Variants in LRRIQ3 observed in about 807,000 individuals in gnomAD.
LRRIQ3 encodes the protein leucine rich repeats and IQ motif containing 3, also known as leucine-rich repeat and IQ domain-containing protein 3.
Under a neutral mutation model 59.3 loss-of-function variants are expected in LRRIQ3, and 75 were observed. That is an observed-to-expected ratio of 1.26 (90% CI 1.05 to 1.53). The LOEUF (loss-of-function observed/expected upper bound fraction) is 1.53, where lower values mean the gene tolerates loss of function less well. LRRIQ3 is among the 40% of genes most tolerant of loss of function. The pLI, the probability that LRRIQ3 is intolerant of heterozygous loss-of-function variation, is 0.00. For synonymous variants in LRRIQ3, 250 were observed against 231.3 expected, an observed-to-expected ratio of 1.08 and a Z score of -0.73; for missense variants, 831 against 710.0, an observed-to-expected ratio of 1.17 and a Z score of -1.94.
At chr1:74,124,483 A>G (rs1010458775) in intron 4 of LRRIQ3, among the ~76,000 whole-genome samples, 3 of 151,906 alleles carry the variant, frequency 2.0e-5, no homozygotes, top group Non-Finnish European at 4.4e-5. Flanking sequence ...TAGTAGTTTC[A>G]TAGTTTGAGG....
intron 4 of LRRIQ3, among the ~76,000 whole-genome samples, chr1:74,132,416 A>C (rs143952913): frequency 0.014 from 2,087 of 152,268 alleles, 40 homozygotes; most frequent in African/African-American, 0.048. Flanking sequence ...AGTCAATGCT[A>C]AGCCAAAAGA....
At chr1:74,116,559 A>G in intron 4 of LRRIQ3, among the ~76,000 whole-genome samples, 1 of 152,214 alleles carries the variant, frequency 6.6e-6, no homozygotes. Flanking sequence ...TTCAATACAC[A>G]GGTATTATTA....
chr1:74,180,030 T>C (rs996843594), intron 3 of LRRIQ3: 66 of 152,030 alleles, frequency 4.3e-4, no homozygotes, highest in African/African-American at 1.4e-3. Context: ...TTCTATTTCC[T>C]ATAGTTAAAG....
chr1:74,112,814 A>G (rs1273264613), intron 4 of LRRIQ3, among the ~76,000 whole-genome samples: 1 of 152,178 alleles, frequency 6.6e-6, no homozygotes, highest in Non-Finnish European at 1.5e-5. Flanking sequence ...TATTAAACAA[A>G]TAAACAAATC....
At chr1:74,191,259 T>G (rs922146579) in intron 1 of LRRIQ3, among the ~76,000 whole-genome samples, 5 of 152,134 alleles carry the variant, frequency 3.3e-5, no homozygotes, top group Non-Finnish European at 7.4e-5. Flanking sequence ...ATTGAAGTAA[T>G]TTGTTGTTGG....
intron 4 of LRRIQ3, among the ~76,000 whole-genome samples, chr1:74,110,135 C>G (rs1364304540): frequency 3.3e-5 from 5 of 151,626 alleles, no homozygotes; most frequent in Admixed American, 3.3e-4. Context: ...AAATATTACC[C>G]AATAAATGGC....
chr1:74,026,752 C>G lies in LRRIQ3; in HGVS notation c.*61G>C. Reference sequence around the variant, plus strand: ...TTGCTTTAGAGTATTATTTCAAATTCCTTCAACTAAAAATAATGACTATAA... The same window carrying G: ...TTGCTTTAGAGTATTATTTCAAATTGCTTCAACTAAAAATAATGACTATAA... On this transcript the variant is annotated 3_prime_UTR_variant, in exon 8 of 8. Coordinates refer to ENST00000354431, the MANE Select transcript of LRRIQ3 (RefSeq NM_001105659.2). 1 of 1,362,854 alleles carries G rather than the reference C, an allele frequency of 7.3e-7. No homozygotes were observed. Among genetic ancestry groups the G allele is most frequent in the Non-Finnish European group, 1.0e-6 (1 of 989,750 alleles). The allele number at this position is 1,362,854 out of a possible 1,614,324, so 84.4% of individuals were successfully genotyped here. A position where few individuals can be genotyped will look rare whatever the true frequency, so the allele number is the denominator to read the frequency against.
chr1:74,043,730 T>C (rs1487640272), intron 6 of LRRIQ3, among the ~76,000 whole-genome samples: 3 of 152,140 alleles, frequency 2.0e-5, no homozygotes, highest in Admixed American at 6.6e-5. Context: ...CTTTCTTAAG[T>C]AGGGTTCTAA....
At chr1:74,035,939 A>G (rs1653857338) in intron 7 of LRRIQ3, among the ~76,000 whole-genome samples, 1 of 152,144 alleles carries the variant, frequency 6.6e-6, no homozygotes, top group Non-Finnish European at 1.5e-5. Flanking sequence ...TTCCAATGTG[A>G]ATCAACAATT....
chr1:74,129,667 C>T (rs1382573751), intron 4 of LRRIQ3, among the ~76,000 whole-genome samples: 1 of 151,966 alleles, frequency 6.6e-6, no homozygotes, highest in African/African-American at 2.4e-5. Flanking sequence ...TAGCTATAGC[C>T]ACCACAGCTG....
At chr1:74,129,884 G>A (rs1356196576) in intron 4 of LRRIQ3, among the ~76,000 whole-genome samples, 2 of 151,922 alleles carry the variant, frequency 1.3e-5, no homozygotes, top group Non-Finnish European at 2.9e-5. Flanking sequence ...TGTTGTCCAA[G>A]AGCTAGGTCC....
intron 4 of LRRIQ3, among the ~76,000 whole-genome samples, chr1:74,146,870 G>A (rs1362794971): frequency 6.6e-6 from 1 of 152,162 alleles, no homozygotes; most frequent in Admixed American, 6.5e-5. Context: ...CAGTAAGTAG[G>A]ATAGTTGATT....
intron 4 of LRRIQ3, among the ~76,000 whole-genome samples, chr1:74,130,118 A>G (rs980580259): frequency 3.3e-5 from 5 of 151,906 alleles, no homozygotes; most frequent in African/African-American, 1.2e-4. Context: ...TCATTTGGTT[A>G]TGCTCCCCTG....
chr1:74,074,014 A>G (rs568766898), intron 6 of LRRIQ3, among the ~76,000 whole-genome samples: 31 of 152,116 alleles, frequency 2.0e-4, no homozygotes, highest in Middle Eastern at 3.2e-3. Flanking sequence ...CCAAAGTCTG[A>G]AAGAAATTTA....
At chr1:74,098,946 A>G (rs1333285741) in intron 5 of LRRIQ3, among the ~76,000 whole-genome samples, 1 of 152,236 alleles carries the variant, frequency 6.6e-6, no homozygotes, top group Non-Finnish European at 1.5e-5. Flanking sequence ...CCCACAAGAC[A>G]AAGTAGGAAA....
intron 1 of LRRIQ3, among the ~76,000 whole-genome samples, chr1:74,194,087 C>T (rs969754318): frequency 3.3e-5 from 5 of 151,924 alleles, no homozygotes; most frequent in African/African-American, 1.2e-4. Flanking sequence ...TGCCATGGGC[C>T]GGTGCAGTGA....
At chr1:74,098,284 C>A in intron 5 of LRRIQ3, among the ~76,000 whole-genome samples, 1 of 151,900 alleles carries the variant, frequency 6.6e-6, no homozygotes, top group Non-Finnish European at 1.5e-5. Flanking sequence ...GACTTTAAAC[C>A]AAAAGATCAA....
At chr1:74,044,703 A>G (rs555668567) in intron 6 of LRRIQ3, among the ~76,000 whole-genome samples, 2 of 152,142 alleles carry the variant, frequency 1.3e-5, no homozygotes, top group African/African-American at 2.4e-5. Context: ...CATCAACAAA[A>G]TAGACCACTA....
chr1:74,187,874 G>T (rs532426669), intron 1 of LRRIQ3, among the ~76,000 whole-genome samples: 10 of 152,204 alleles, frequency 6.6e-5, no homozygotes, highest in Admixed American at 1.3e-4. Context: ...ATTTCCCAAA[G>T]ACCTAAAAAC....
Sources: allele counts gnomAD v4.1 joint callset (sites outside exome capture counted in the v4.1 genomes callset), GRCh38; gene constraint gnomAD v4.1.1; transcripts MANE v1.5; gene names NCBI Gene and HGNC (gene_info 2026-07-23, HGNC 2026-07-21).